The following LRIG1 variants were observed in gnomAD, a reference collection of about 807,000 sequenced individuals.
LRIG1 encodes leucine rich repeats and immunoglobulin like domains 1.
LRIG1 carries 48 observed loss-of-function variants against 99.2 expected under a neutral mutation model. The observed-to-expected ratio is 0.48, with a 90% CI of 0.38 to 0.62. The LOEUF (loss-of-function observed/expected upper bound fraction) is 0.62. LRIG1 is among the 20% of genes least tolerant of loss of function. The probability of loss-of-function intolerance (pLI) is 0.00; values close to 1 mark genes in which losing one functional copy is unlikely to be tolerated. For synonymous variants in LRIG1, 772 were observed against 596.1 expected (o/e 1.29, Z -4.30); for missense variants, 1,646 against 1,434.4 (o/e 1.15, Z -2.38).
In LRIG1 at chr3:66,382,144, C is replaced by T. The variant is rs910120589; in HGVS notation, c.2617+129G>A. 107 of 1,041,162 alleles carry T rather than the reference C, an allele frequency of 1.0e-4. No homozygotes were observed. The Admixed American group carries it at 1.4e-3, about 13-fold the overall frequency. 64.5% of individuals were successfully genotyped at this position (1,041,162 alleles called of 1,614,324 possible). Reference sequence around the variant, plus strand: ...CCAAAATAGCAGCCCTTAGTCATACCGCCTTCTACTTCACCAAGTTTGCCC... The same window carrying T: ...CCAAAATAGCAGCCCTTAGTCATACTGCCTTCTACTTCACCAAGTTTGCCC... On this transcript the variant is annotated intron_variant, in intron 16 of 18. Coordinates refer to ENST00000273261, the MANE Select transcript of LRIG1 (RefSeq NM_015541.3).
At position 66,380,346 on chromosome 3, in the gene LRIG1, C is replaced by T; in HGVS notation, c.3199G>A (p.Asp1067Asn). The T allele has an allele frequency of 6.2e-7, 1 of 1,614,166 alleles. No individual in the cohort carries two copies. Among genetic ancestry groups the T allele is most frequent in the South Asian group, 1.1e-5 (1 of 91,076 alleles). ...VSNGHLPKAC[D>N]ASPESTPLTG... ...AGTGGCGTGGACTCGGGACTGGCGTCACATGCTTTGGGGAGGTGGCCATTG... is the reference window on the plus strand; with the variant it reads ...AGTGGCGTGGACTCGGGACTGGCGTTACATGCTTTGGGGAGGTGGCCATTG... Residue 1067 changes from aspartate (D) to asparagine (N), a missense_variant, in exon 19 of 19, where the codon GAC becomes AAC. By Grantham distance (23) the Asp-to-Asn change is conservative (BLOSUM62 1). Transcript: ENST00000273261.
Position 66,386,261 on chromosome 3 carries a change from G to T in LRIG1, c.1509C>A (p.Thr503=), listed in dbSNP as rs149185220. The change falls in exon 13 of 19, where the codon ACC becomes ACA. Residue 503 remains threonine (T), a synonymous_variant. Transcript: ENST00000273261. The part of the protein sequence containing the change: ...LKPQIITQPE[T]TMAMVGKDIR... ...TGTCCTTGCCCACCATAGCCATGGT[G>T]GTTTCTGGCTGGGTGATGATCTGTG... 2,478 of 1,614,084 alleles carry T rather than the reference G, an allele frequency of 1.5e-3. 3 individuals carry two copies. The highest frequency in any genetic ancestry group is 2.0e-3 in the Non-Finnish European group (2,336 of 1,180,000).
chr3:66,438,599 G>A (rs1703438629), intron 3 of LRIG1, among the ~76,000 whole-genome samples: 1 of 152,172 alleles, frequency 6.6e-6, no homozygotes, highest in South Asian at 2.1e-4. Context: ...GCTAACAAGG[G>A]GGAAAAGGCC....
At chr3:66,443,996 C>T (rs373717735) in intron 3 of LRIG1, among the ~76,000 whole-genome samples, 1 of 152,182 alleles carries the variant, frequency 6.6e-6, no homozygotes, top group Admixed American at 6.5e-5. Flanking sequence ...TTCAGACACG[C>T]CTGTTAACTT....
intron 8 of LRIG1, chr3:66,406,301 G>A (rs1476669747): frequency 1.4e-5 from 14 of 985,422 alleles, no homozygotes; most frequent in South Asian, 9.4e-5. Context: ...CCAGGGACCC[G>A]GGGCTGTGGC....
intron 1 of LRIG1, among the ~76,000 whole-genome samples, chr3:66,483,046 A>G (rs1700886073): frequency 6.6e-6 from 1 of 152,218 alleles, no homozygotes; most frequent in Non-Finnish European, 1.5e-5. Context: ...TAACAGATCA[A>G]TAGCACCCCC....
chr3:66,472,495 C>T (rs937906239), intron 1 of LRIG1, among the ~76,000 whole-genome samples: 2 of 152,042 alleles, frequency 1.3e-5, no homozygotes, highest in Non-Finnish European at 2.9e-5. Context: ...TGATTCACCA[C>T]TTAACGGTGA....
intron 1 of LRIG1, among the ~76,000 whole-genome samples, chr3:66,478,586 A>G: frequency 6.6e-6 from 1 of 152,196 alleles, no homozygotes; most frequent in East Asian, 1.9e-4. Flanking sequence ...GCTGTTTACA[A>G]TGCAGATTCC....
chr3:66,461,373 T>TA (rs1464442537), intron 2 of LRIG1, among the ~76,000 whole-genome samples: 17 of 152,026 alleles, frequency 1.1e-4, no homozygotes, highest in African/African-American at 4.1e-4. Context: ...CAAAAATGGG[T>TA]AAAAAACTTA....
intron 3 of LRIG1, among the ~76,000 whole-genome samples, chr3:66,448,727 G>A (rs1374659090): frequency 6.6e-6 from 1 of 152,184 alleles, no homozygotes; most frequent in Non-Finnish European, 1.5e-5. Flanking sequence ...GGCCTCAGCA[G>A]ACATTTGCTC....
chr3:66,405,702 A>G, intron 8 of LRIG1: 1 of 1,099,746 alleles, frequency 9.1e-7, no homozygotes, highest in Non-Finnish European at 1.1e-6. Flanking sequence ...TGCAGAAAGC[A>G]CATGGAAGAA....
intron 14 of LRIG1, 78 bp from the exon 15 acceptor site, chr3:66,383,479 G>A (rs1701207421): frequency 7.7e-7 from 1 of 1,292,618 alleles, no homozygotes. Flanking sequence ...CTGGACAACG[G>A]ACAATCCAAC....
At chr3:66,382,907 G>A (rs1701165249) in intron 15 of LRIG1, 75 bp downstream of exon 15, 2 of 1,400,794 alleles carry the variant, frequency 1.4e-6, no homozygotes, top group Admixed American at 4.3e-5. Context: ...AAAAGCCACT[G>A]GAACCCGGCC....
intron 1 of LRIG1, among the ~76,000 whole-genome samples, chr3:66,482,108 G>C (rs984119186): frequency 5.9e-5 from 9 of 152,202 alleles, no homozygotes; most frequent in African/African-American, 2.2e-4. Context: ...GCACAGGCAG[G>C]CTGGCTCTGC....
intron 3 of LRIG1, among the ~76,000 whole-genome samples, chr3:66,441,906 C>T (rs935871595): frequency 6.6e-6 from 1 of 152,208 alleles, no homozygotes; most frequent in Admixed American, 6.5e-5. Context: ...TTAGGTGCCT[C>T]ATCTGTAAAT....
intron 6 of LRIG1, among the ~76,000 whole-genome samples, chr3:66,412,292 G>A (rs1334944816): frequency 1.3e-5 from 2 of 152,220 alleles, no homozygotes; most frequent in African/African-American, 2.4e-5. Context: ...GAAGGGGAGA[G>A]AAGGAACTTC....
intron 7 of LRIG1, among the ~76,000 whole-genome samples, chr3:66,409,132 T>A (rs950014646): frequency 5.3e-5 from 8 of 151,848 alleles, no homozygotes; most frequent in Non-Finnish European, 1.0e-4. Context: ...TTGGCACTCT[T>A]AACAATCATT....
Position 66,383,410 on chromosome 3 carries a change from G to GAGCA in LRIG1, c.2072-13_2072-10dup. 6.5e-7 allele frequency: 1 copy of GAGCA among 1,531,872 alleles called. No homozygotes were observed. Among genetic ancestry groups the GAGCA allele is most frequent in the Non-Finnish European group, 8.8e-7 (1 of 1,136,012 alleles). 94.9% of individuals were successfully genotyped at this position (1,531,872 alleles called of 1,614,324 possible). On this transcript the variant is annotated splice_polypyrimidine_tract_variant and intron_variant, in intron 14 of 18. Coordinates refer to ENST00000273261, the MANE Select transcript of LRIG1 (RefSeq NM_015541.3). Reference sequence around the variant, plus strand: ...CACCAAGGATGGGGTCTCTACAAGAGAGCAACAGAGATCTTAGTCATTCTC... The same window carrying GAGCA: ...CACCAAGGATGGGGTCTCTACAAGAGAGCAAGCAACAGAGATCTTAGTCATTCTC...
At chr3:66,466,961 T>C (rs1219307625) in intron 1 of LRIG1, among the ~76,000 whole-genome samples, 1 of 152,228 alleles carries the variant, frequency 6.6e-6, no homozygotes. Context: ...TTCCCTGCTC[T>C]TGCACAAAGG....
Sources: gnomAD v4.1 joint callset for allele counts (sites outside exome capture counted in the v4.1 genomes callset) on GRCh38, gnomAD v4.1.1 for gene constraint, MANE v1.5 for transcripts, NCBI Gene and HGNC (gene_info 2026-07-23, HGNC 2026-07-21) for gene names.